The following CRADD variants were observed in gnomAD, a reference collection of about 807,000 sequenced individuals.
The protein encoded by CRADD is death domain-containing protein CRADD.
A neutral mutation model predicts 15.5 loss-of-function variants in CRADD; 9 were observed. The observed-to-expected ratio is 0.58, with a 90% CI of 0.35 to 1.01. The LOEUF is 1.01. CRADD is among the 50% of genes least tolerant of loss of function. CRADD has a pLI of 0.02. For synonymous variants in CRADD, 118 were observed against 107.6 expected, an observed-to-expected ratio of 1.10 and a Z score of -0.60; for missense variants, 227 against 250.3, an observed-to-expected ratio of 0.91 and a Z score of 0.63.
chr12:93,831,547 C>T (rs1383104002), intron 2 of CRADD, among the ~76,000 whole-genome samples: 1 of 152,218 alleles, frequency 6.6e-6, no homozygotes, highest in Admixed American at 6.5e-5. Flanking sequence ...TGCAGCTGCA[C>T]GGGGAATGCA....
intron 2 of CRADD, among the ~76,000 whole-genome samples, chr12:93,695,418 G>T (rs1955680037): frequency 1.3e-5 from 2 of 152,130 alleles, no homozygotes; most frequent in South Asian, 4.1e-4. Context: ...TTTTGGATAT[G>T]ACCCCAAAAG....
chr12:93,769,081 T>C (rs1414932528), intron 2 of CRADD, among the ~76,000 whole-genome samples: 1 of 152,126 alleles, frequency 6.6e-6, no homozygotes, highest in African/African-American at 2.4e-5. Context: ...TTATATACTT[T>C]ATTTATTTTT....
intron 2 of CRADD, among the ~76,000 whole-genome samples, chr12:93,844,669 A>G (rs10777546): frequency 0.64 from 96,672 of 151,998 alleles, 30,964 homozygotes; most frequent in Admixed American, 0.71. Flanking sequence ...GAAGGATGAC[A>G]GAGTATAGCA....
intron 2 of CRADD, among the ~76,000 whole-genome samples, chr12:93,760,308 A>G (rs1403069992): frequency 1.3e-5 from 2 of 152,154 alleles, no homozygotes; most frequent in African/African-American, 4.8e-5. Flanking sequence ...TGAGGAGAAG[A>G]AAGTGTACTT....
intron 2 of CRADD, among the ~76,000 whole-genome samples, chr12:93,748,625 C>T (rs1323789677): frequency 6.6e-6 from 1 of 151,922 alleles, no homozygotes; most frequent in East Asian, 1.9e-4. Flanking sequence ...GATTCTTAAG[C>T]GTTGAGTATG....
chr12:93,724,640 T>TA (rs1188993275), intron 2 of CRADD, among the ~76,000 whole-genome samples: 2 of 152,186 alleles, frequency 1.3e-5, no homozygotes, highest in Non-Finnish European at 1.5e-5. Flanking sequence ...GTCAGGTAGT[T>TA]AATACTTCTC....
intron 2 of CRADD, among the ~76,000 whole-genome samples, chr12:93,792,574 T>C (rs962987785): frequency 6.6e-6 from 1 of 152,192 alleles, no homozygotes; most frequent in Non-Finnish European, 1.5e-5. Flanking sequence ...AGAACCCTGG[T>C]GTCATAAACT....
intron 2 of CRADD, among the ~76,000 whole-genome samples, chr12:93,881,580 AC>A (rs1334523979): frequency 6.6e-6 from 1 of 152,156 alleles, no homozygotes; most frequent in African/African-American, 2.4e-5. Flanking sequence ...TGGCTCCCTC[AC>A]TCCACATATG....
chr12:93,893,734 T>C (rs1958592828), intron 2 of CRADD, among the ~76,000 whole-genome samples: 1 of 152,002 alleles, frequency 6.6e-6, no homozygotes, highest in Non-Finnish European at 1.5e-5. Context: ...GATGAAATCC[T>C]GTCTCTACTA....
intron 2 of CRADD, among the ~76,000 whole-genome samples, chr12:93,746,581 C>T (rs368395456): frequency 5.3e-5 from 8 of 152,204 alleles, no homozygotes; most frequent in African/African-American, 9.6e-5. Context: ...GGCCCCAACC[C>T]GGGAATTAGT....
intron 2 of CRADD, among the ~76,000 whole-genome samples, chr12:93,751,901 C>A (rs567050156): frequency 2.0e-5 from 3 of 152,166 alleles, no homozygotes; most frequent in Non-Finnish European, 4.4e-5. Flanking sequence ...TTACTTTGCT[C>A]CTTTCAGGAT....
intron 2 of CRADD, among the ~76,000 whole-genome samples, chr12:93,876,724 C>T (rs1958459954): frequency 6.6e-6 from 1 of 152,114 alleles, no homozygotes; most frequent in African/African-American, 2.4e-5. Flanking sequence ...TGAATTCCTT[C>T]CCTGTGTTAT....
At chr12:93,711,055 C>CCCCCCCTCT in intron 2 of CRADD, among the ~76,000 whole-genome samples, 1 of 43,508 alleles carries the variant, frequency 2.3e-5, no homozygotes, top group African/African-American at 8.5e-5. Context: ...CCACCCCCGC[C>CCCCCCCTCT]TTTTTTTTTT....
intron 2 of CRADD, among the ~76,000 whole-genome samples, chr12:93,681,009 C>T (rs1565868029): frequency 6.6e-6 from 1 of 152,160 alleles, no homozygotes; most frequent in South Asian, 2.1e-4. Context: ...CTCAGCCTCC[C>T]GAGTAGCTGG....
chr12:93,893,912 A>G, intron 2 of CRADD: 1 of 625,178 alleles, frequency 1.6e-6, no homozygotes, highest in Non-Finnish European at 2.9e-6. Context: ...AAAAGAAAAA[A>G]AAAAAAATAA....
intron 2 of CRADD, among the ~76,000 whole-genome samples, chr12:93,770,324 C>A (rs1398409947): frequency 6.6e-6 from 1 of 151,974 alleles, no homozygotes; most frequent in Non-Finnish European, 1.5e-5. Context: ...GTCTCGATCT[C>A]CTGACCTCGT....
At chr12:93,847,889 T>C (rs1199192466) in intron 2 of CRADD, among the ~76,000 whole-genome samples, 2 of 152,256 alleles carry the variant, frequency 1.3e-5, no homozygotes, top group Non-Finnish European at 2.9e-5. Flanking sequence ...TTTTCAAGTA[T>C]GTTAACTTGT....
chr12:93,793,459 C>T (rs1957375056), intron 2 of CRADD, among the ~76,000 whole-genome samples: 1 of 152,138 alleles, frequency 6.6e-6, no homozygotes, highest in Admixed American at 6.5e-5. Context: ...ATTCAGTGGG[C>T]TGTGGGCGAT....
chr12:93,757,240 A>G (rs1035672473), intron 2 of CRADD, among the ~76,000 whole-genome samples: 2 of 152,218 alleles, frequency 1.3e-5, no homozygotes, highest in African/African-American at 4.8e-5. Flanking sequence ...AGTTTTCATT[A>G]TGCCGAAGAC....
Sources: gnomAD v4.1 joint callset for allele counts (sites outside exome capture counted in the v4.1 genomes callset) on GRCh38, gnomAD v4.1.1 for gene constraint, MANE v1.5 for transcripts, NCBI Gene and HGNC (gene_info 2026-07-23, HGNC 2026-07-21) for gene names.